RUNX1: variants seen among roughly 807,000 people sequenced by gnomAD.
RUNX1 encodes runt-related transcription factor 1.
In RUNX1, 19 loss-of-function variants were observed where a neutral mutation model predicts 42.8. That is an observed-to-expected ratio of 0.44 (90% CI 0.31 to 0.65). The LOEUF is 0.65. RUNX1 is among the 30% of genes least tolerant of loss of function. RUNX1 has a pLI of 0.07. For missense variants in RUNX1, 528 were observed against 672.0 expected, an observed-to-expected ratio of 0.79 and a Z score of 2.37; for synonymous variants, 271 against 289.4, an observed-to-expected ratio of 0.94 and a Z score of 0.64.
At chr21:34,796,047 A>G (rs1368117558) in intron 8 of RUNX1, among the ~76,000 whole-genome samples, 4 of 152,232 alleles carry the variant, frequency 2.6e-5, no homozygotes, top group East Asian at 3.9e-4. Flanking sequence ...GTAGGTTCCA[A>G]CTACTACATG....
At chr21:35,047,510 C>G (rs1354783755) in intron 2 of RUNX1, among the ~76,000 whole-genome samples, 2 of 136,704 alleles carry the variant, frequency 1.5e-5, no homozygotes, top group African/African-American at 6.0e-5. Context: ...CTCTTGCCAT[C>G]TCCAACACAC....
chr21:34,956,539 C>A (rs1286022229), intron 2 of RUNX1, among the ~76,000 whole-genome samples: 1 of 152,168 alleles, frequency 6.6e-6, no homozygotes, highest in Non-Finnish European at 1.5e-5. Context: ...AGTGACTGGG[C>A]CATTTTGTTT....
intron 6 of RUNX1, 110 bp from the exon 7 acceptor site, chr21:34,834,711 CCT>C (rs767952460): frequency 1.3e-5 from 12 of 932,630 alleles, no homozygotes; most frequent in Admixed American, 8.4e-5. Flanking sequence ...TTGTCTTTCC[CCT>C]CTCTCTCCCC....
intron 2 of RUNX1, among the ~76,000 whole-genome samples, chr21:35,023,373 C>T (rs1443025736): frequency 6.6e-6 from 1 of 152,210 alleles, no homozygotes; most frequent in Non-Finnish European, 1.5e-5. Context: ...ACTCGAAGCC[C>T]ATATGTCATT....
chr21:34,931,115 C>T (rs1338901086), intron 2 of RUNX1, among the ~76,000 whole-genome samples: 1 of 152,026 alleles, frequency 6.6e-6, no homozygotes, highest in Non-Finnish European at 1.5e-5. Context: ...CTATGTGATT[C>T]TTGGAGCCCA....
At chr21:34,849,538 G>T (rs2057387223) in intron 6 of RUNX1, among the ~76,000 whole-genome samples, 1 of 121,138 alleles carries the variant, frequency 8.3e-6, no homozygotes. Flanking sequence ...AGAATATTTG[G>T]CTATTCATGA....
chr21:34,995,393 A>C (rs1444579157), intron 2 of RUNX1, among the ~76,000 whole-genome samples: 1 of 146,656 alleles, frequency 6.8e-6, no homozygotes, highest in Admixed American at 6.8e-5. Context: ...AACTCTGTTG[A>C]GACTTGACCT....
At chr21:34,905,552 C>T (rs1026290289) in intron 2 of RUNX1, among the ~76,000 whole-genome samples, 2 of 152,210 alleles carry the variant, frequency 1.3e-5, no homozygotes, top group Admixed American at 6.5e-5. Context: ...AGATATGACA[C>T]TGCCTTAAGG....
At chr21:34,913,305 G>A (rs968091208) in intron 2 of RUNX1, among the ~76,000 whole-genome samples, 1 of 152,174 alleles carries the variant, frequency 6.6e-6, no homozygotes, top group Non-Finnish European at 1.5e-5. Context: ...GTGGCTTTGC[G>A]TAGACTTTTC....
At chr21:34,968,133 A>G (rs2058734713) in intron 2 of RUNX1, among the ~76,000 whole-genome samples, 1 of 152,210 alleles carries the variant, frequency 6.6e-6, no homozygotes, top group Non-Finnish European at 1.5e-5. Context: ...CCAGGACTGC[A>G]TCCCAGTTTG....
intron 2 of RUNX1, among the ~76,000 whole-genome samples, chr21:34,945,055 T>C (rs1601596468): frequency 6.6e-6 from 1 of 152,208 alleles, no homozygotes; most frequent in Non-Finnish European, 1.5e-5. Flanking sequence ...AGTTATTTCA[T>C]GGAGAACAGG....
chr21:34,840,623 G>GC (rs5843686), intron 6 of RUNX1, among the ~76,000 whole-genome samples: 152,276 of 152,276 alleles, frequency 1, 76,138 homozygotes, highest in Non-Finnish European at 1. Flanking sequence ...CAGACACCTG[G>GC]CTGCGGGAGC....
At chr21:34,839,870 G>C (rs1369052288) in intron 6 of RUNX1, among the ~76,000 whole-genome samples, 2 of 152,198 alleles carry the variant, frequency 1.3e-5, no homozygotes. Flanking sequence ...TTTGCTGTGT[G>C]CTGGGGAGAA....
chr21:34,842,665 C>G (rs578041239), intron 6 of RUNX1, among the ~76,000 whole-genome samples: 1 of 152,104 alleles, frequency 6.6e-6, no homozygotes, highest in Non-Finnish European at 1.5e-5. Context: ...CCCTCTCACA[C>G]GCACACACAG....
chr21:34,797,674 A>G (rs2056548981), intron 8 of RUNX1, among the ~76,000 whole-genome samples: 1 of 152,246 alleles, frequency 6.6e-6, no homozygotes, highest in African/African-American at 2.4e-5. Flanking sequence ...CAAGATGCCA[A>G]GATACCTGTG....
intron 8 of RUNX1, 51 bp downstream of exon 8, chr21:34,799,250 G>A: frequency 6.2e-7 from 1 of 1,602,674 alleles, no homozygotes; most frequent in Non-Finnish European, 8.5e-7. Context: ...CTAGTCTCCT[G>A]GACCTTCCAC....
chr21:34,951,342 A>G (rs1291397651), intron 2 of RUNX1, among the ~76,000 whole-genome samples: 1 of 152,240 alleles, frequency 6.6e-6, no homozygotes, highest in Non-Finnish European at 1.5e-5. Context: ...TCTTTTAAAA[A>G]TATTATGGAA....
At position 34,834,392 on chromosome 21, in the gene RUNX1, G is replaced by A. The variant is rs2146074236; in HGVS notation, c.805+18C>T. 1 of 1,611,526 alleles carries A rather than the reference G, an allele frequency of 6.2e-7. No individual in the cohort carries two copies. Among genetic ancestry groups the A allele is most frequent in the Non-Finnish European group, 8.5e-7 (1 of 1,177,946 alleles). On this transcript the variant is annotated intron_variant, in intron 7 of 8. Transcript: ENST00000675419. ...CAGGTGCAGGAGAGGCGGGCAGTGG[G>A]CTCCATCTGGTACTTACCCTGCATC...
chr21:34,997,330 T>A (rs924107576), intron 2 of RUNX1, among the ~76,000 whole-genome samples: 1 of 152,146 alleles, frequency 6.6e-6, no homozygotes, highest in African/African-American at 2.4e-5. Flanking sequence ...GTGCCTCAAA[T>A]TCACAATAAA....
Sources: gnomAD v4.1 joint callset for allele counts (sites outside exome capture counted in the v4.1 genomes callset) on GRCh38, gnomAD v4.1.1 for gene constraint, MANE v1.5 for transcripts, NCBI Gene and HGNC (gene_info 2026-07-23, HGNC 2026-07-21) for gene names.